ATR: variants seen among roughly 807,000 people sequenced by gnomAD.
ATR encodes serine/threonine-protein kinase ATR.
A neutral mutation model predicts 305.3 loss-of-function variants in ATR; 142 were observed. The ratio of observed to expected loss-of-function variants is 0.47; its 90% CI spans 0.41 to 0.53. The LOEUF is 0.53. Among genes scored for constraint, ATR ranks in the 20% least tolerant of loss-of-function variants. ATR has a pLI of 0.00. For missense variants in ATR, 2,135 were observed against 3,133.1 expected, an observed-to-expected ratio of 0.68 and a Z score of 7.60; for synonymous variants, 1,050 against 1,068.1, an observed-to-expected ratio of 0.98 and a Z score of 0.33.
intron 44 of ATR, 152 bp downstream of exon 44, chr3:142,458,806 A>T: frequency 1.2e-6 from 1 of 858,524 alleles, no homozygotes; most frequent in Non-Finnish European, 1.9e-6. Context: ...GCATTACTAC[A>T]TGATCCACTG....
chr3:142,573,384 G>A (rs2035335481), intron 1 of ATR, among the ~76,000 whole-genome samples: 1 of 150,766 alleles, frequency 6.6e-6, no homozygotes, highest in Non-Finnish European at 1.5e-5. Context: ...GGACATGGAG[G>A]TGGAGGTTGC....
chr3:142,498,924 A>T, intron 31 of ATR, 150 bp from the exon 32 acceptor site: 1 of 772,254 alleles, frequency 1.3e-6, no homozygotes, highest in South Asian at 1.6e-5. Flanking sequence ...TCTGTGGTCC[A>T]GGATAGAGGG....
rs1176218951 is a variant in ATR at position 142,547,796 on chromosome 3, T to C, written c.3286A>G (p.Ile1096Val). 3 of 1,613,882 alleles carry C rather than the reference T, an allele frequency of 1.9e-6. No homozygotes were observed. The highest frequency in any genetic ancestry group is 2.2e-5 in the East Asian group (1 of 44,862). ...HYQQVFNGLS[I>V]LASFASSDDP... is the part of the protein sequence containing the mutation. ...TCACTGGATGCAAATGAGGCAAGTATTGACAAACCATTAAAAACCTGTTGA... is the reference window on the plus strand; with the variant it reads ...TCACTGGATGCAAATGAGGCAAGTACTGACAAACCATTAAAAACCTGTTGA... The change falls in exon 16 of 47, where the codon ATA becomes GTA. Residue 1096 changes from isoleucine to valine, a missense_variant. Coordinates refer to ENST00000350721, the MANE Select transcript of ATR (RefSeq NM_001184.4).
At chr3:142,560,705 C>T (rs2034847928) in intron 5 of ATR, among the ~76,000 whole-genome samples, 2 of 152,088 alleles carry the variant, frequency 1.3e-5, no homozygotes, top group Admixed American at 6.5e-5. Flanking sequence ...GGACTACAGG[C>T]GCCAACCACC....
chr3:142,453,049 A>G, intron 46 of ATR, 79 bp downstream of exon 46: 1 of 1,597,024 alleles, frequency 6.3e-7, no homozygotes, highest in Non-Finnish European at 8.5e-7. Flanking sequence ...ATGCATAGAG[A>G]TGAGAACTAT....
rs2034321732 is a variant in ATR at position 142,547,705 on chromosome 3, TC to T, written c.3357+19del. ...AGGAAGAAAAACAAACAAAAAAACC[TC>T]ATAGAACATATTCCTTACCATCAGT... On this transcript the variant is annotated intron_variant, in intron 16 of 46. Coordinates refer to ENST00000350721, the MANE Select transcript of ATR (RefSeq NM_001184.4). The T allele has an allele frequency of 6.2e-7, 1 of 1,609,648 alleles. No homozygotes were observed. The highest frequency in any genetic ancestry group is 8.5e-7 in the Non-Finnish European group (1 of 1,176,450).
At position 142,524,043 on chromosome 3, in the gene ATR, G is replaced by A. The variant is rs1194388677; in HGVS notation, c.4102C>T (p.Arg1368Ter). Residue 1368 changes from arginine (R) to a stop codon, truncating the protein, a stop_gained, in exon 22 of 47, where the codon CGA (arginine) becomes TGA (stop). Transcript: ENST00000350721. LOFTEE classifies it high-confidence loss of function. Reference protein sequence around the residue: ...LGELGAIDPGRLDFSTTETQG... With the variant: ...LGELGAIDPG ...GTTTCAGTTGTTGAGAAATCTAATC[G>A]ACCTGGATCTATCGCCCCCAATTCC... 5 of 1,613,838 alleles carry A rather than the reference G, an allele frequency of 3.1e-6. No homozygotes were observed. Among genetic ancestry groups the A allele is most frequent in the Admixed American group, 1.7e-5 (1 of 59,982 alleles).
In ATR at chr3:142,496,613, T is replaced by C. The variant is rs181009679; in HGVS notation, c.5739-93A>G. The C allele has an allele frequency of 2.1e-4, 287 of 1,354,526 alleles. 1 individual carries two copies. The African/African-American group carries it at 3.5e-3, about 17-fold the overall frequency. The allele number at this position is 1,354,526 out of a possible 1,614,324, so 83.9% of individuals were successfully genotyped here. A position where few individuals can be genotyped will look rare whatever the true frequency, so the allele number is the denominator to read the frequency against. On this transcript the variant is annotated intron_variant, in intron 33 of 46. Coordinates refer to ENST00000350721, the MANE Select transcript of ATR (RefSeq NM_001184.4). ...ACAATTTAAATCTAGGTCATAAACTTTGCAAGTAGTTCCAATGTTTTGAAA... is the reference window on the plus strand; with the variant it reads ...ACAATTTAAATCTAGGTCATAAACTCTGCAAGTAGTTCCAATGTTTTGAAA...
chr3:142,496,060 C>T (rs1420383693), intron 34 of ATR, among the ~76,000 whole-genome samples: 1 of 151,104 alleles, frequency 6.6e-6, no homozygotes, highest in Admixed American at 6.6e-5. Flanking sequence ...ATTAAGAGGT[C>T]GTTTTCCTCA....
rs1160959387 is a variant in ATR at position 142,549,657 on chromosome 3, A to G, written c.2993T>C (p.Leu998Pro). Residue 998 changes from leucine to proline, a missense_variant, in exon 15 of 47, where the codon CTA becomes CCA. Around this residue, in one of 9 missense-constraint regions of ATR, gnomAD observed 530 missense variants for 766.8 expected, o/e 0.69. Transcript: ENST00000350721. ...NRFLTRTLQV[L>P]LPDLAAKASP... ...TGCTTTGGCAGCAAGATCAGGTAGTAGAACTTGTAATGTCCTCTGAAAAAG... is the reference window on the plus strand; with the variant it reads ...TGCTTTGGCAGCAAGATCAGGTAGTGGAACTTGTAATGTCCTCTGAAAAAG... 2 of 1,613,690 alleles carry G rather than the reference A, an allele frequency of 1.2e-6. No homozygotes were observed.
chr3:142,525,268 T>C (rs79155451), intron 21 of ATR, among the ~76,000 whole-genome samples: 3,071 of 152,330 alleles, frequency 0.02, 106 homozygotes, highest in African/African-American at 0.07. Context: ...ATTCATATAC[T>C]AGTTACCTCT....
intron 5 of ATR, 89 bp from the exon 6 acceptor site, chr3:142,560,543 T>C (rs2034840258): frequency 7.7e-7 from 1 of 1,295,840 alleles, no homozygotes; most frequent in African/African-American, 1.5e-5. Context: ...ACATACTATG[T>C]AATATCAACT....
chr3:142,459,271 A>G lies in ATR; in HGVS notation c.7305T>C (p.Ile2435=). The G allele has an allele frequency of 6.2e-7, 1 of 1,614,022 alleles. No homozygotes were observed. Among genetic ancestry groups the G allele is most frequent in the Non-Finnish European group, 8.5e-7 (1 of 1,179,890 alleles). The change falls in exon 43 of 47, where the codon ATT becomes ATC. Residue 2435 remains isoleucine, a synonymous_variant. Transcript: ENST00000350721. ...REFLLPRHPP[I]FHEWFLRTFP... is the part of the protein sequence containing the mutation. Reference sequence around the variant, plus strand: ...ATGTTCTCAGAAACCACTCATGAAAAATAGGAGGATGCCTGGGCAGGAGAA... The same window carrying G: ...ATGTTCTCAGAAACCACTCATGAAAGATAGGAGGATGCCTGGGCAGGAGAA...
Position 142,467,997 on chromosome 3 carries a change from T to C in ATR, c.6624A>G (p.Leu2208=), listed in dbSNP as rs776977069. The C allele has an allele frequency of 1.2e-6, 2 of 1,613,144 alleles. No individual in the cohort carries two copies. Among genetic ancestry groups the C allele is most frequent in the South Asian group, 1.1e-5 (1 of 91,052 alleles). The change falls in exon 39 of 47, where the codon TTA becomes TTG. Residue 2208 remains leucine, a synonymous_variant. Coordinates refer to ENST00000350721, the MANE Select transcript of ATR (RefSeq NM_001184.4). ...GAGTTGCATCTCCAACAAACTTCTC[T>C]AAGGATTTTTTCATATGAATAGCTT... ...LNKAIHMKKS[L]EKFVGDATRL...
At chr3:142,543,798 T>C (rs1044637355) in intron 16 of ATR, among the ~76,000 whole-genome samples, 3 of 151,956 alleles carry the variant, frequency 2.0e-5, no homozygotes, top group South Asian at 4.1e-4. Flanking sequence ...GCCTCCTGAG[T>C]ACCTGTGACT....
At chr3:142,485,412 T>G in intron 35 of ATR, 130 bp from the exon 36 acceptor site, 6 of 1,128,462 alleles carry the variant, frequency 5.3e-6, no homozygotes, top group Non-Finnish European at 7.5e-6. Context: ...AAAAGCAGAC[T>G]CAATCTTTGA....
At chr3:142,461,668 T>C (rs1253827434) in intron 42 of ATR, among the ~76,000 whole-genome samples, 1 of 152,040 alleles carries the variant, frequency 6.6e-6, no homozygotes, top group Admixed American at 6.6e-5. Flanking sequence ...TGTTAACCAA[T>C]ATCTGTGAAA....
chr3:142,450,446 ACCAC>A, intron 46 of ATR: 1 of 1,599,092 alleles, frequency 6.3e-7, no homozygotes, highest in Non-Finnish European at 8.5e-7. Flanking sequence ...AGACTACATC[ACCAC>A]AGAGCTATTA....
chr3:142,512,110 C>T (rs1209413940), intron 27 of ATR, 150 bp downstream of exon 27: 6 of 749,800 alleles, frequency 8.0e-6, no homozygotes, highest in African/African-American at 7.1e-5. Context: ...AAGAGGGAAA[C>T]TCCATCTCCA....
Sources: allele counts gnomAD v4.1 joint callset (sites outside exome capture counted in the v4.1 genomes callset), GRCh38; gene constraint gnomAD v4.1.1; regional missense constraint gnomAD v4.1.1; transcripts MANE v1.5; gene names NCBI Gene and HGNC (gene_info 2026-07-23, HGNC 2026-07-21).